ERBB4: variants seen among roughly 807,000 people sequenced by gnomAD.
The protein encoded by ERBB4 is receptor tyrosine-protein kinase erbB-4.
Under a neutral mutation model 158.0 loss-of-function variants are expected in ERBB4, and 42 were observed. That is an observed-to-expected ratio of 0.27 (90% CI 0.21 to 0.34). The LOEUF is 0.34. ERBB4 is among the 10% of genes least tolerant of loss of function. The pLI, the probability that ERBB4 is intolerant of heterozygous loss-of-function variation, is 1.00. For synonymous variants in ERBB4, 583 were observed against 558.7 expected (o/e 1.04, Z -0.61); for missense variants, 1,333 against 1,624.1 (o/e 0.82, Z 3.08).
At chr2:212,013,246 G>T (rs1302971347) in intron 2 of ERBB4, among the ~76,000 whole-genome samples, 1 of 151,978 alleles carries the variant, frequency 6.6e-6, no homozygotes, top group Non-Finnish European at 1.5e-5. Context: ...TACCTGAGAT[G>T]GGGTTTTGCC....
At chr2:212,504,324 C>G (rs1265250561) in intron 1 of ERBB4, among the ~76,000 whole-genome samples, 1 of 151,866 alleles carries the variant, frequency 6.6e-6, no homozygotes, top group Non-Finnish European at 1.5e-5. Flanking sequence ...TACATTAAGT[C>G]CTTAACTCAA....
chr2:212,447,497 A>G (rs1483145602), intron 1 of ERBB4, among the ~76,000 whole-genome samples: 1 of 152,192 alleles, frequency 6.6e-6, no homozygotes, highest in African/African-American at 2.4e-5. Context: ...TAGTATTTGT[A>G]GCATGGAACA....
chr2:212,070,629 G>C (rs2078086075), intron 2 of ERBB4, among the ~76,000 whole-genome samples: 1 of 151,996 alleles, frequency 6.6e-6, no homozygotes, highest in South Asian at 2.1e-4. Context: ...GGGGATAACT[G>C]TAATGTACAC....
chr2:212,335,650 A>C (rs1042875958), intron 1 of ERBB4, among the ~76,000 whole-genome samples: 1 of 152,066 alleles, frequency 6.6e-6, no homozygotes, highest in African/African-American at 2.4e-5. Context: ...TAGGAGACAA[A>C]GTAACCACAG....
intron 1 of ERBB4, among the ~76,000 whole-genome samples, chr2:212,409,918 C>T (rs943104684): frequency 3.9e-5 from 6 of 151,992 alleles, no homozygotes; most frequent in African/African-American, 1.4e-4. Flanking sequence ...TAGTGAAGCA[C>T]TTTGAAATCT....
intron 1 of ERBB4, among the ~76,000 whole-genome samples, chr2:212,438,412 T>C (rs1039363653): frequency 4.6e-5 from 7 of 152,114 alleles, no homozygotes; most frequent in Admixed American, 4.6e-4. Context: ...ATATCGATCA[T>C]TTCCTTTAAA....
chr2:212,197,079 C>A (rs566077368), intron 1 of ERBB4, among the ~76,000 whole-genome samples: 6 of 152,022 alleles, frequency 3.9e-5, no homozygotes, highest in African/African-American at 1.4e-4. Flanking sequence ...TTTATACACC[C>A]CTAATTTTAG....
chr2:212,477,571 A>G (rs1412781120), intron 1 of ERBB4, among the ~76,000 whole-genome samples: 20 of 152,158 alleles, frequency 1.3e-4, no homozygotes. Context: ...TCAAATCTGT[A>G]TTTGCTGGTG....
chr2:211,706,197 C>A (rs2073432964), intron 9 of ERBB4, among the ~76,000 whole-genome samples: 1 of 152,030 alleles, frequency 6.6e-6, no homozygotes, highest in African/African-American at 2.4e-5. Context: ...CAAGACAGAT[C>A]AAAACTTCTA....
At chr2:211,413,033 C>T (rs961248868) in intron 25 of ERBB4, among the ~76,000 whole-genome samples, 20 of 151,572 alleles carry the variant, frequency 1.3e-4, no homozygotes, top group Admixed American at 3.3e-4. Flanking sequence ...CTGTGGCTCA[C>T]GCTTGTAATC....
At chr2:212,067,977 A>T (rs1468467265) in intron 2 of ERBB4, among the ~76,000 whole-genome samples, 1 of 152,064 alleles carries the variant, frequency 6.6e-6, no homozygotes, top group African/African-American at 2.4e-5. Context: ...CTTAGATGCA[A>T]AAACGAATGA....
chr2:212,342,877 A>G (rs949961135), intron 1 of ERBB4, among the ~76,000 whole-genome samples: 3 of 152,166 alleles, frequency 2.0e-5, no homozygotes, highest in African/African-American at 7.2e-5. Context: ...CTAACTTCTG[A>G]TCTATGAGTA....
chr2:212,126,430 T>A (rs2079928925), intron 1 of ERBB4, among the ~76,000 whole-genome samples: 1 of 123,834 alleles, frequency 8.1e-6, no homozygotes, highest in South Asian at 2.6e-4. Flanking sequence ...ACTGCACTCC[T>A]AGCCTGAGCA....
At chr2:212,185,910 A>C (rs1036709507) in intron 1 of ERBB4, among the ~76,000 whole-genome samples, 5 of 152,194 alleles carry the variant, frequency 3.3e-5, no homozygotes, top group African/African-American at 1.2e-4. Context: ...TAAAAATGCA[A>C]ATACATAAAA....
chr2:211,830,117 A>G (rs2077188199), intron 3 of ERBB4, among the ~76,000 whole-genome samples: 1 of 152,122 alleles, frequency 6.6e-6, no homozygotes, highest in Non-Finnish European at 1.5e-5. Context: ...TATTCTACTT[A>G]TCCACCCCCA....
intron 1 of ERBB4, among the ~76,000 whole-genome samples, chr2:212,387,312 A>C (rs1277007364): frequency 6.6e-6 from 1 of 152,190 alleles, no homozygotes; most frequent in East Asian, 1.9e-4. Context: ...AAAAGCCACA[A>C]GAAGCAAAAA....
intron 25 of ERBB4, among the ~76,000 whole-genome samples, chr2:211,390,255 C>T (rs2062773528): frequency 6.6e-6 from 1 of 152,148 alleles, no homozygotes; most frequent in East Asian, 1.9e-4. Context: ...AGCAATACCA[C>T]CATATATTAA....
chr2:212,055,878 C>T (rs997017184), intron 2 of ERBB4, among the ~76,000 whole-genome samples: 5 of 152,220 alleles, frequency 3.3e-5, no homozygotes, highest in African/African-American at 7.2e-5. Flanking sequence ...CACCTCTCCC[C>T]GTCCAAAGGA....
chr2:211,688,722 A>G (rs2072675625), intron 12 of ERBB4, among the ~76,000 whole-genome samples: 1 of 152,204 alleles, frequency 6.6e-6, no homozygotes, highest in East Asian at 1.9e-4. Flanking sequence ...AATGATCCAA[A>G]AAAGCTGCTA....
Sources: allele counts gnomAD v4.1 joint callset (sites outside exome capture counted in the v4.1 genomes callset), GRCh38; gene constraint gnomAD v4.1.1; transcripts MANE v1.5; gene names NCBI Gene and HGNC (gene_info 2026-07-23, HGNC 2026-07-21).